DNAH7: variants seen among roughly 807,000 people sequenced by gnomAD.
DNAH7 encodes the protein dynein axonemal heavy chain 7, also known as axonemal beta dynein heavy chain 7.
Under a neutral mutation model 444.6 loss-of-function variants are expected in DNAH7, and 397 were observed. The observed-to-expected ratio is 0.89, with a 90% CI of 0.82 to 0.97. The LOEUF (loss-of-function observed/expected upper bound fraction) is 0.97, where lower values mean the gene tolerates loss of function less well. DNAH7 is among the 50% of genes least tolerant of loss of function. The pLI is 0.00. For missense variants in DNAH7, 4,902 were observed against 4,800.8 expected (o/e 1.02, Z -0.62); for synonymous variants, 1,636 against 1,624.4 (o/e 1.01, Z -0.17).
chr2:195,772,729 C>T (rs1231388318), intron 60 of DNAH7, among the ~76,000 whole-genome samples: 2 of 148,450 alleles, frequency 1.3e-5, no homozygotes, highest in Admixed American at 1.3e-4. Context: ...AAAATATTAA[C>T]TTTTTTATTG....
chr2:195,826,742 T>C (rs1697775601), intron 48 of DNAH7, among the ~76,000 whole-genome samples: 1 of 152,164 alleles, frequency 6.6e-6, no homozygotes, highest in Non-Finnish European at 1.5e-5. Context: ...AAACCCAAAA[T>C]AATAGCAACG....
chr2:195,899,859 A>T (rs1479262400), intron 28 of DNAH7, among the ~76,000 whole-genome samples: 4 of 152,200 alleles, frequency 2.6e-5, no homozygotes, highest in Non-Finnish European at 4.4e-5. Context: ...GAAGGTAAAC[A>T]TCATACTGCA....
At chr2:195,792,619 T>C (rs1026118377) in intron 57 of DNAH7, among the ~76,000 whole-genome samples, 11 of 152,184 alleles carry the variant, frequency 7.2e-5, no homozygotes, top group Middle Eastern at 3.4e-3. Flanking sequence ...ACTGACAAAA[T>C]TGAAACACAA....
intron 31 of DNAH7, among the ~76,000 whole-genome samples, chr2:195,891,263 C>T (rs1354387041): frequency 6.6e-6 from 1 of 152,204 alleles, no homozygotes; most frequent in African/African-American, 2.4e-5. Context: ...TGGCGTATAT[C>T]TAACAATTAG....
intron 56 of DNAH7, chr2:195,795,873 G>A (rs1190258930): frequency 6.6e-6 from 1 of 152,274 alleles, no homozygotes; most frequent in Non-Finnish European, 1.5e-5. Flanking sequence ...AAAAAACAAA[G>A]CCAGATGGGT....
intron 9 of DNAH7, among the ~76,000 whole-genome samples, chr2:196,017,949 T>C (rs1056015491): frequency 6.6e-6 from 1 of 152,096 alleles, no homozygotes; most frequent in East Asian, 1.9e-4. Context: ...TTTAACAGTA[T>C]AAAAATTTTT....
intron 21 of DNAH7, among the ~76,000 whole-genome samples, chr2:195,932,611 G>C (rs1688774648): frequency 2.6e-5 from 4 of 152,062 alleles, no homozygotes. Flanking sequence ...CTAATTTATT[G>C]AGAGTTTTTA....
At chr2:195,762,753 G>A (rs1460952954) in intron 61 of DNAH7, among the ~76,000 whole-genome samples, 1 of 152,108 alleles carries the variant, frequency 6.6e-6, no homozygotes, top group Non-Finnish European at 1.5e-5. Flanking sequence ...GCCAAAGAGA[G>A]ACACAGACAC....
rs769316672 is a variant in DNAH7 at position 195,897,746 on chromosome 2, T to C, written c.4568A>G (p.Asn1523Ser). The C allele has an allele frequency of 7.6e-6, 12 of 1,583,962 alleles. No individual in the cohort carries two copies. The South Asian group carries it at 1.1e-4, about 14-fold the overall frequency. ...GNLKLKYPNENEEILLLRSII... is the reference protein window; with the variant it reads ...GNLKLKYPNESEEILLLRSII... ...AGATCTAAGCAGCAAAATTTCTTCA[T>C]TTTCATTTGGATATTTCAGCTAAAA... Residue 1523 changes from asparagine to serine, a missense_variant, in exon 29 of 65, where the codon AAT becomes AGT. Physicochemically the swap from Asn to Ser is conservative, Grantham distance 46. Coordinates refer to ENST00000312428, the MANE Select transcript of DNAH7 (RefSeq NM_018897.3).
intron 24 of DNAH7, among the ~76,000 whole-genome samples, chr2:195,914,809 A>C (rs1221900737): frequency 6.6e-6 from 1 of 152,198 alleles, no homozygotes; most frequent in African/African-American, 2.4e-5. Flanking sequence ...GATTACAGGC[A>C]TGTACCACCA....
At chr2:195,906,423 A>ACACACACACACACACACACACACTT (rs764416021) in intron 27 of DNAH7, among the ~76,000 whole-genome samples, 4 of 147,462 alleles carry the variant, frequency 2.7e-5, no homozygotes, top group African/African-American at 1.0e-4. Flanking sequence ...ACACACACAC[A>ACACACACACACACACACACACACTT]CACACACTTT....
intron 46 of DNAH7, among the ~76,000 whole-genome samples, chr2:195,852,023 GCA>G (rs1699398698): frequency 1.4e-4 from 22 of 152,192 alleles, no homozygotes; most frequent in Admixed American, 1.4e-3. Context: ...CTTTGGGAGG[GCA>G]AGGTGGGCAG....
intron 5 of DNAH7, among the ~76,000 whole-genome samples, chr2:196,042,545 T>C (rs1696834864): frequency 6.6e-6 from 1 of 151,986 alleles, no homozygotes; most frequent in African/African-American, 2.4e-5. Context: ...GGGCCAAATA[T>C]TTAAATAGGC....
rs142464865 is a variant in DNAH7, at chr2:195,800,355, A to G, written c.10177-883T>C. Reference sequence around the variant, plus strand: ...ATTTTCAAAGTGAATATAAATTCCAATCACGGCAAGTGGATGTGTGATAAA... The same window carrying G: ...ATTTTCAAAGTGAATATAAATTCCAGTCACGGCAAGTGGATGTGTGATAAA... On this transcript the variant is annotated intron_variant, in intron 54 of 64. Transcript: ENST00000312428. Among the ~76,000 whole-genome samples the G allele has an allele frequency of 3.1e-3, 474 of 152,318 alleles. 5 individuals are homozygous for G. Among genetic ancestry groups the G allele is most frequent in the African/African-American group, 0.011 (460 of 41,574 alleles).
intron 63 of DNAH7, among the ~76,000 whole-genome samples, chr2:195,748,822 T>C (rs1283409303): frequency 1.3e-5 from 2 of 152,172 alleles, no homozygotes; most frequent in African/African-American, 4.8e-5. Flanking sequence ...TTACACCTTA[T>C]ACAAAAATTA....
chr2:195,777,740 A>G (rs1368836863), intron 59 of DNAH7, 60 bp downstream of exon 59: 1 of 1,510,364 alleles, frequency 6.6e-7, no homozygotes, highest in Admixed American at 2.0e-5. Context: ...AAAAAATATC[A>G]TCACTACCAA....
chr2:195,916,750 C>T (rs1167332474), intron 24 of DNAH7, among the ~76,000 whole-genome samples: 1 of 151,856 alleles, frequency 6.6e-6, no homozygotes, highest in African/African-American at 2.4e-5. Flanking sequence ...CCTTGCTACT[C>T]GGGAGGCTGA....
At chr2:195,746,906 A>C (rs920763525) in intron 63 of DNAH7, among the ~76,000 whole-genome samples, 3 of 152,102 alleles carry the variant, frequency 2.0e-5, no homozygotes, top group African/African-American at 4.8e-5. Flanking sequence ...AAAGATCCAA[A>C]ATTGACACCC....
intron 38 of DNAH7, among the ~76,000 whole-genome samples, chr2:195,874,439 G>A (rs575053856): frequency 2.0e-5 from 3 of 152,194 alleles, no homozygotes; most frequent in East Asian, 1.9e-4. Flanking sequence ...AATGGGGTCC[G>A]AAAGGAAAAG....
Sources: gnomAD v4.1 joint callset for allele counts (sites outside exome capture counted in the v4.1 genomes callset) on GRCh38, gnomAD v4.1.1 for gene constraint, MANE v1.5 for transcripts, NCBI Gene and HGNC (gene_info 2026-07-23, HGNC 2026-07-21) for gene names.